The following KDM4C variants were observed in gnomAD, a reference collection of about 807,000 sequenced individuals.
KDM4C encodes lysine demethylase 4C, also known as lysine-specific demethylase 4C.
A neutral mutation model predicts 129.3 loss-of-function variants in KDM4C; 81 were observed. That is an observed-to-expected ratio of 0.63 (90% CI 0.52 to 0.75). The LOEUF is 0.75. Among genes scored for constraint, KDM4C ranks in the 30% least tolerant of loss-of-function variants. The pLI is 0.00. For missense variants in KDM4C, 1,457 were observed against 1,304.0 expected (o/e 1.12, Z -1.81); for synonymous variants, 573 against 456.1 (o/e 1.26, Z -3.26).
intron 1 of KDM4C, among the ~76,000 whole-genome samples, chr9:6,777,806 A>C (rs1346660621): frequency 1.3e-5 from 2 of 152,126 alleles, no homozygotes; most frequent in African/African-American, 2.4e-5. Context: ...TGGAAACTGA[A>C]ATGGTTTCCA....
chr9:6,748,179 A>C (rs917011156), intron 1 of KDM4C, among the ~76,000 whole-genome samples: 1 of 128,690 alleles, frequency 7.8e-6, no homozygotes, highest in African/African-American at 2.6e-5. Context: ...AAAAAAACAA[A>C]CAAACAAACA....
At chr9:7,008,610 A>C (rs1327652499) in intron 12 of KDM4C, among the ~76,000 whole-genome samples, 1 of 152,188 alleles carries the variant, frequency 6.6e-6, no homozygotes, top group Non-Finnish European at 1.5e-5. Flanking sequence ...CAGACCAAAC[A>C]TCCAGGAACA....
chr9:6,869,248 G>A (rs896079683), intron 5 of KDM4C, among the ~76,000 whole-genome samples: 64 of 152,270 alleles, frequency 4.2e-4, no homozygotes, highest in African/African-American at 1.5e-3. Flanking sequence ...GTTATGTCAG[G>A]AAATGGGCCA....
chr9:7,031,392 C>T (rs188511110), intron 15 of KDM4C, among the ~76,000 whole-genome samples: 65 of 152,174 alleles, frequency 4.3e-4, no homozygotes, highest in African/African-American at 1.4e-3. Flanking sequence ...AACTCCTGAC[C>T]TCTGGTGGTC....
chr9:7,152,349 A>T (rs1340324356), intron 19 of KDM4C, among the ~76,000 whole-genome samples: 2 of 152,242 alleles, frequency 1.3e-5, no homozygotes, highest in East Asian at 3.8e-4. Context: ...TATATTTGGC[A>T]AGTAAAACAG....
intron 1 of KDM4C, among the ~76,000 whole-genome samples, chr9:6,785,288 G>T (rs1825231846): frequency 6.6e-6 from 1 of 151,674 alleles, no homozygotes; most frequent in Non-Finnish European, 1.5e-5. Flanking sequence ...TCTAGTCCCT[G>T]CCTCCATCTT....
intron 8 of KDM4C, chr9:6,925,795 G>A (rs1822383702): frequency 3.1e-6 from 1 of 318,268 alleles, no homozygotes; most frequent in Non-Finnish European, 4.5e-6. Context: ...TTTTAATTTT[G>A]TTTTTGGTTT....
intron 19 of KDM4C, among the ~76,000 whole-genome samples, chr9:7,142,721 G>A (rs956234670): frequency 6.6e-6 from 1 of 152,066 alleles, no homozygotes; most frequent in Non-Finnish European, 1.5e-5. Flanking sequence ...CATACCCATG[G>A]CTGGCTAAAG....
chr9:7,000,193 G>A (rs1243205719), intron 12 of KDM4C, among the ~76,000 whole-genome samples: 1 of 152,108 alleles, frequency 6.6e-6, no homozygotes. Flanking sequence ...AATTCCACTG[G>A]AAGTCCCAGT....
chr9:6,756,721 AAG>A (rs1563932447), upstream of KDM4C, among the ~76,000 whole-genome samples: 2 of 152,318 alleles, frequency 1.3e-5, no homozygotes, highest in East Asian at 1.9e-4. Flanking sequence ...CGTCTCAAAA[AAG>A]AGTGTGTCTG....
At chr9:6,811,171 T>G (rs2131100554) in intron 3 of KDM4C, among the ~76,000 whole-genome samples, 1 of 152,206 alleles carries the variant, frequency 6.6e-6, no homozygotes, top group South Asian at 2.1e-4. Flanking sequence ...TTTTTTTTTC[T>G]GAGACAGAGT....
chr9:6,887,830 T>C (rs530322201), intron 6 of KDM4C, 130 bp from the exon 7 acceptor site: 7 of 590,016 alleles, frequency 1.2e-5, no homozygotes, highest in Middle Eastern at 3.5e-4. Context: ...GTACAAGGGC[T>C]TTTTGGCAGA....
intron 1 of KDM4C, among the ~76,000 whole-genome samples, chr9:6,785,683 C>G (rs867613757): frequency 9.2e-5 from 14 of 152,234 alleles, no homozygotes; most frequent in South Asian, 4.1e-4. Flanking sequence ...CAGGGCCGAC[C>G]CTAATCAAAT....
chr9:7,086,112 C>T (rs192319240), intron 17 of KDM4C, among the ~76,000 whole-genome samples: 8 of 152,290 alleles, frequency 5.3e-5, no homozygotes, highest in African/African-American at 1.9e-4. Context: ...GAGCCGAGAT[C>T]ATGCCACTGC....
intron 5 of KDM4C, among the ~76,000 whole-genome samples, chr9:6,868,557 A>T: frequency 6.6e-6 from 1 of 152,158 alleles, no homozygotes; most frequent in East Asian, 1.9e-4. Context: ...CCTCCCCTAT[A>T]CTTTACATCA....
Position 6,734,324 on chromosome 9 carries a change from C to T in KDM4C, c.49+13327C>T, listed in dbSNP as rs923110779. Among the ~76,000 whole-genome samples, 17 of 114,986 alleles carry T rather than the reference C, an allele frequency of 1.5e-4. No individual in the cohort carries two copies. In the South Asian group the frequency reaches 3.8e-3, roughly 26 times the overall value. 75.4% of individuals were successfully genotyped at this position (114,986 alleles called of 152,430 possible). A position where few individuals can be genotyped will look rare whatever the true frequency, so the allele number is the denominator to read the frequency against. On this transcript the variant is annotated intron_variant, in intron 1 of 17. Transcript: ENST00000536108. The stretch of plus-strand genomic sequence containing the variant: ...TTTTTTTTTTTTTTAGATGGAGTTT[C>T]GCTCTTGTTGCCCAGGCTGGAGTGC...
chr9:6,968,283 C>G (rs751401994), intron 8 of KDM4C, among the ~76,000 whole-genome samples: 5 of 152,102 alleles, frequency 3.3e-5, no homozygotes, highest in Non-Finnish European at 5.9e-5. Context: ...TGAGACCAGC[C>G]TGGGTAACAT....
At chr9:6,863,545 C>G (rs1841363736) in intron 5 of KDM4C, among the ~76,000 whole-genome samples, 1 of 151,928 alleles carries the variant, frequency 6.6e-6, no homozygotes, top group African/African-American at 2.4e-5. Flanking sequence ...GGCTGTAATC[C>G]CAGCACTTTG....
intron 17 of KDM4C, among the ~76,000 whole-genome samples, chr9:7,100,122 C>T (rs183538477): frequency 2.0e-5 from 3 of 152,050 alleles, no homozygotes; most frequent in African/African-American, 7.2e-5. Context: ...CCGGTTGTGG[C>T]GTGATGGCTC....
Sources: gnomAD v4.1 joint callset for allele counts (sites outside exome capture counted in the v4.1 genomes callset) on GRCh38, gnomAD v4.1.1 for gene constraint, MANE v1.5 for transcripts, NCBI Gene and HGNC (gene_info 2026-07-23, HGNC 2026-07-21) for gene names.